BBS9: variants seen among roughly 807,000 people sequenced by gnomAD.
The protein encoded by BBS9 is Bardet-Biedl syndrome 9, also known as protein PTHB1.
A neutral mutation model predicts 117.7 loss-of-function variants in BBS9; 89 were observed. That is an observed-to-expected ratio of 0.76 (90% CI 0.64 to 0.90). The LOEUF (loss-of-function observed/expected upper bound fraction) is 0.90, where lower values mean the gene tolerates loss of function less well. BBS9 is among the 40% of genes least tolerant of loss of function. BBS9 has a pLI of 0.00. For synonymous variants in BBS9, 379 were observed against 370.9 expected, an observed-to-expected ratio of 1.02 and a Z score of -0.25; for missense variants, 982 against 1,042.2, an observed-to-expected ratio of 0.94 and a Z score of 0.80.
chr7:33,178,778 GT>G (rs879471511), intron 5 of BBS9, among the ~76,000 whole-genome samples: 3,000 of 145,986 alleles, frequency 0.021, 64 homozygotes, highest in African/African-American at 0.052. Context: ...TGTGAACTCA[GT>G]TTTTTTTTTT....
At chr7:33,513,049 T>C (rs1847206065) in intron 20 of BBS9, among the ~76,000 whole-genome samples, 1 of 152,196 alleles carries the variant, frequency 6.6e-6, no homozygotes, top group Non-Finnish European at 1.5e-5. Flanking sequence ...CAGATTGAAC[T>C]CCAGTGCCAG....
At chr7:33,590,459 G>GTTTTTTTGTTTGTTT (rs1554551689) in intron 21 of BBS9, among the ~76,000 whole-genome samples, 1 of 101,510 alleles carries the variant, frequency 9.9e-6, no homozygotes, top group African/African-American at 4.0e-5. Flanking sequence ...TTGTTTTTTT[G>GTTTTTTTGTTTGTTT]TTTTTTTTTT....
At chr7:33,260,278 A>G (rs1797768048) in intron 6 of BBS9, among the ~76,000 whole-genome samples, 1 of 152,214 alleles carries the variant, frequency 6.6e-6, no homozygotes, top group Non-Finnish European at 1.5e-5. Context: ...CTAGGATTAC[A>G]TGCATGAGCC....
At chr7:33,140,352 C>T (rs949887414) in intron 1 of BBS9, among the ~76,000 whole-genome samples, 1 of 152,066 alleles carries the variant, frequency 6.6e-6, no homozygotes, top group South Asian at 2.1e-4. Flanking sequence ...ACCTCTGTAC[C>T]ACTCCTTTGT....
chr7:33,517,451 A>C (rs1345200830), intron 20 of BBS9, among the ~76,000 whole-genome samples: 1 of 152,216 alleles, frequency 6.6e-6, no homozygotes, highest in Non-Finnish European at 1.5e-5. Flanking sequence ...TAGACTTAGT[A>C]GATTAATGCC....
intron 20 of BBS9, among the ~76,000 whole-genome samples, chr7:33,505,947 A>T (rs1846096266): frequency 6.6e-6 from 1 of 152,216 alleles, no homozygotes; most frequent in East Asian, 1.9e-4. Context: ...GACAGCAGTA[A>T]CCTTCAGATT....
At chr7:33,528,044 T>A (rs1413562848) in intron 20 of BBS9, among the ~76,000 whole-genome samples, 1 of 152,224 alleles carries the variant, frequency 6.6e-6, no homozygotes, top group African/African-American at 2.4e-5. Flanking sequence ...AGATATAATG[T>A]AATACAATTC....
At chr7:33,331,356 G>T (rs1814000605) in intron 9 of BBS9, among the ~76,000 whole-genome samples, 2 of 152,216 alleles carry the variant, frequency 1.3e-5, no homozygotes, top group East Asian at 1.9e-4. Flanking sequence ...TTGAGAATTG[G>T]GATAAGACAA....
At chr7:33,439,673 T>C (rs918428172) in intron 19 of BBS9, among the ~76,000 whole-genome samples, 9 of 151,802 alleles carry the variant, frequency 5.9e-5, no homozygotes, top group African/African-American at 2.2e-4. Context: ...GGATTACAGG[T>C]GTGTGCCACC....
chr7:33,590,468 T>TTTTGTTTTTTTTTG (rs1861717157), intron 21 of BBS9, among the ~76,000 whole-genome samples: 1 of 147,120 alleles, frequency 6.8e-6, no homozygotes, highest in African/African-American at 2.5e-5. Flanking sequence ...TGTTTTTTTT[T>TTTTGTTTTTTTTTG]TTTTTTTTTA....
intron 9 of BBS9, among the ~76,000 whole-genome samples, chr7:33,321,915 T>C (rs1177362199): frequency 6.6e-6 from 1 of 151,710 alleles, no homozygotes; most frequent in South Asian, 2.1e-4. Flanking sequence ...TTTTGAGGGT[T>C]TTTTTTTATC....
intron 15 of BBS9, among the ~76,000 whole-genome samples, chr7:33,356,640 G>T (rs979204535): frequency 6.6e-6 from 1 of 151,830 alleles, no homozygotes; most frequent in Non-Finnish European, 1.5e-5. Context: ...CAATATGCTT[G>T]CCATTGTTGA....
rs200298045 is a variant in BBS9 at position 33,340,849 on chromosome 7, G to C, written c.1199-48G>C. 2.4e-4 allele frequency: 363 copies of C among 1,500,716 alleles called. No homozygotes were observed. In the East Asian group the frequency reaches 7.1e-3, roughly 29 times the overall value. 93.0% of individuals were successfully genotyped at this position (1,500,716 alleles called of 1,614,324 possible). A position where few individuals can be genotyped will look rare whatever the true frequency, so the allele number is the denominator to read the frequency against. On this transcript the variant is annotated intron_variant, in intron 10 of 22. Coordinates refer to ENST00000242067, the MANE Select transcript of BBS9 (RefSeq NM_198428.3). ...AACCTTTAAAGAAAAACTATATATAGAAAGTTTTACTTTATGATTAAATAA... is the reference window on the plus strand; with the variant it reads ...AACCTTTAAAGAAAAACTATATATACAAAGTTTTACTTTATGATTAAATAA...
chr7:33,133,596 T>C (rs549159566), intron 1 of BBS9, among the ~76,000 whole-genome samples: 1 of 152,386 alleles, frequency 6.6e-6, no homozygotes, highest in South Asian at 2.1e-4. Flanking sequence ...TATATGCTTT[T>C]ATTTATTTAT....
At chr7:33,400,736 A>G (rs1053605801) in intron 19 of BBS9, among the ~76,000 whole-genome samples, 1 of 152,224 alleles carries the variant, frequency 6.6e-6, no homozygotes. Context: ...ATTAATACAC[A>G]GAGAGCTAAT....
intron 19 of BBS9, among the ~76,000 whole-genome samples, chr7:33,424,596 C>T (rs1052455335): frequency 2.0e-5 from 3 of 151,956 alleles, no homozygotes; most frequent in African/African-American, 7.3e-5. Flanking sequence ...GTTCCTGTTA[C>T]CAGAAACAGG....
At chr7:33,330,684 C>G (rs77117708) in intron 9 of BBS9, among the ~76,000 whole-genome samples, 3,877 of 152,146 alleles carry the variant, frequency 0.025, 177 homozygotes, top group African/African-American at 0.089. Context: ...TTTACAGATT[C>G]CTGAGCAAAA....
At chr7:33,601,543 A>G (rs1303856755) in intron 21 of BBS9, among the ~76,000 whole-genome samples, 1 of 152,148 alleles carries the variant, frequency 6.6e-6, no homozygotes, top group African/African-American at 2.4e-5. Context: ...CAAAAGTATC[A>G]GATATACTCA....
At chr7:33,160,316 G>A (rs1794660019) in intron 4 of BBS9, among the ~76,000 whole-genome samples, 2 of 152,198 alleles carry the variant, frequency 1.3e-5, no homozygotes, top group African/African-American at 4.8e-5. Context: ...AGGTTAAGAG[G>A]AGTGGACCAA....
Sources: gnomAD v4.1 joint callset for allele counts (sites outside exome capture counted in the v4.1 genomes callset) on GRCh38, gnomAD v4.1.1 for gene constraint, MANE v1.5 for transcripts, NCBI Gene and HGNC (gene_info 2026-07-23, HGNC 2026-07-21) for gene names.